SPTBN1: variants seen among roughly 807,000 people sequenced by gnomAD.
The protein encoded by SPTBN1 is spectrin beta, non-erythrocytic 1.
SPTBN1 carries 32 observed loss-of-function variants against 266.4 expected under a neutral mutation model. That is an observed-to-expected ratio of 0.12 (90% CI 0.09 to 0.16). The LOEUF (loss-of-function observed/expected upper bound fraction) is 0.16, where lower values mean the gene tolerates loss of function less well. Among genes scored for constraint, SPTBN1 ranks in the 10% least tolerant of loss-of-function variants. The pLI is 1.00. For missense variants in SPTBN1, 2,296 were observed against 3,067.1 expected (o/e 0.75, Z 5.94); for synonymous variants, 1,336 against 1,162.2 (o/e 1.15, Z -3.04).
intron 2 of SPTBN1, among the ~76,000 whole-genome samples, chr2:54,568,501 A>G (rs746661725): frequency 2.6e-5 from 4 of 152,154 alleles, no homozygotes; most frequent in Non-Finnish European, 4.4e-5. Context: ...TTAACTAAAT[A>G]TAAAAATAAT....
intron 2 of SPTBN1, among the ~76,000 whole-genome samples, chr2:54,551,700 A>G (rs1435852180): frequency 1.3e-5 from 2 of 152,090 alleles, no homozygotes; most frequent in Non-Finnish European, 2.9e-5. Context: ...TCGGCTGTAT[A>G]CTTAGATGGT....
rs758913754 is a variant in SPTBN1, at chr2:54,544,447, T to C, written c.148+17881T>C. Among the ~76,000 whole-genome samples, 11 of 152,210 alleles carry C rather than the reference T, an allele frequency of 7.2e-5. No individual in the cohort carries two copies. In the East Asian group the frequency reaches 7.7e-4, roughly 11 times the overall value. On this transcript the variant is annotated intron_variant, in intron 2 of 35. Transcript: ENST00000356805. ...CTCATTTGTGATGTCAGAGTGGTTATTGAACTTACTAAACCTTTCCCAGAA... is the reference window on the plus strand; with the variant it reads ...CTCATTTGTGATGTCAGAGTGGTTACTGAACTTACTAAACCTTTCCCAGAA...
intron 2 of SPTBN1, among the ~76,000 whole-genome samples, chr2:54,584,460 C>T (rs1675150865): frequency 6.6e-6 from 1 of 152,164 alleles, no homozygotes; most frequent in African/African-American, 2.4e-5. Flanking sequence ...ATTTTGATAT[C>T]ACTACTTACC....
At chr2:54,507,493 G>A (rs565448234) in intron 1 of SPTBN1, among the ~76,000 whole-genome samples, 4 of 152,128 alleles carry the variant, frequency 2.6e-5, no homozygotes, top group East Asian at 3.9e-4. Flanking sequence ...GATAATTGTC[G>A]GGTTGTTAGA....
intron 17 of SPTBN1, among the ~76,000 whole-genome samples, chr2:54,635,355 G>C (rs545603723): frequency 6.6e-6 from 1 of 152,332 alleles, no homozygotes; most frequent in African/African-American, 2.4e-5. Context: ...GTCAGCGGCA[G>C]TCCCAGATGC....
chr2:54,543,592 G>C (rs985918626), intron 2 of SPTBN1, among the ~76,000 whole-genome samples: 1 of 148,022 alleles, frequency 6.8e-6, no homozygotes, highest in Non-Finnish European at 1.5e-5. Flanking sequence ...AAAAATACTT[G>C]TTTTTTTTTT....
intron 30 of SPTBN1, 46 bp downstream of exon 30, chr2:54,658,092 T>G: frequency 6.2e-7 from 1 of 1,605,418 alleles, no homozygotes; most frequent in Non-Finnish European, 8.5e-7. Flanking sequence ...CTGGGCAGCC[T>G]TTTCTTCCTG....
At position 54,642,840 on chromosome 2, in the gene SPTBN1, G is replaced by A. The variant is rs1048984414; in HGVS notation, c.3859-143G>A. The A allele has an allele frequency of 1.5e-5, 15 of 1,018,312 alleles. 1 individual carries two copies. In the Admixed American group the frequency reaches 3.1e-4, roughly 21 times the overall value. 63.1% of individuals were successfully genotyped at this position (1,018,312 alleles called of 1,614,324 possible). A position where few individuals can be genotyped will look rare whatever the true frequency, so the allele number is the denominator to read the frequency against. ...TGGACACCTGTCATGACGGGTCAGA[G>A]TTGTGAAGTTAAATATTTGGTTGTC... On this transcript the variant is annotated intron_variant, in intron 18 of 35. Transcript: ENST00000356805.
chr2:54,521,548 CTG>C (rs1289233791), intron 1 of SPTBN1, among the ~76,000 whole-genome samples: 1 of 152,138 alleles, frequency 6.6e-6, no homozygotes, highest in Non-Finnish European at 1.5e-5. Flanking sequence ...GAGGCTCACT[CTG>C]TTGTTTGGGC....
intron 26 of SPTBN1, among the ~76,000 whole-genome samples, chr2:54,650,456 A>G (rs768845580): frequency 3.3e-5 from 5 of 152,034 alleles, no homozygotes; most frequent in Non-Finnish European, 7.3e-5. Context: ...ATGTTTGACA[A>G]AGTAGTAACA....
chr2:54,531,361 C>G (rs932163039), intron 2 of SPTBN1, among the ~76,000 whole-genome samples: 9 of 152,150 alleles, frequency 5.9e-5, no homozygotes, highest in African/African-American at 2.2e-4. Flanking sequence ...ACTGGGGAAT[C>G]AGACTACTAA....
chr2:54,479,822 C>T (rs1220301108), intron 1 of SPTBN1, among the ~76,000 whole-genome samples: 5 of 151,514 alleles, frequency 3.3e-5, no homozygotes, highest in African/African-American at 1.2e-4. Flanking sequence ...ATTCAGTTCG[C>T]TTTCTATTAT....
At position 54,671,136 on chromosome 2, in the gene SPTBN1, G is replaced by C. The variant is rs117262811; in HGVS notation, c.*2567G>C. On this transcript the variant is annotated 3_prime_UTR_variant, in exon 36 of 36. Transcript: ENST00000356805. ...AATAAGGCTTAGGATATGAAATGGC[G>C]TTGTCACTTGAATCAAGGCCACTTT... The C allele has an allele frequency of 2.0e-3, 434 of 218,650 alleles. 6 individuals are homozygous for C. The East Asian group carries it at 0.035, about 18-fold the overall frequency. 13.5% of individuals were successfully genotyped at this position (218,650 alleles called of 1,614,324 possible).
At position 54,645,588 on chromosome 2, in the gene SPTBN1, A is replaced by G; in HGVS notation, c.4494+135A>G. 1 of 887,796 alleles carries G rather than the reference A, an allele frequency of 1.1e-6. No homozygotes were observed. The highest frequency in any genetic ancestry group is 1.7e-5 in the African/African-American group (1 of 59,592). The allele number at this position is 887,796 out of a possible 1,614,324, so 55.0% of individuals were successfully genotyped here. ...TGAGCTGCCAAAGTCCACGCTCTGGATGGTCTAAAGTTTCTTTCCCTTTTC... is the reference window on the plus strand; with the variant it reads ...TGAGCTGCCAAAGTCCACGCTCTGGGTGGTCTAAAGTTTCTTTCCCTTTTC... On this transcript the variant is annotated intron_variant, in intron 21 of 35. Transcript: ENST00000356805. The surrounding 1 kb of genome is among the most constrained non-coding windows in gnomAD (Gnocchi z 4.3).
chr2:54,462,664 A>G (rs1346875991), intron 1 of SPTBN1, among the ~76,000 whole-genome samples: 3 of 152,170 alleles, frequency 2.0e-5, no homozygotes, highest in African/African-American at 4.8e-5. Context: ...ATACTCTAGT[A>G]TATGGAATAT....
intron 35 of SPTBN1, 28 bp downstream of exon 35, chr2:54,667,674 A>G: frequency 1.2e-6 from 2 of 1,606,024 alleles, no homozygotes; most frequent in South Asian, 1.1e-5. Flanking sequence ...ATTTCTCTCC[A>G]CTACTTAGGA....
At chr2:54,614,669 G>A (rs1019414829) in intron 4 of SPTBN1, among the ~76,000 whole-genome samples, 5 of 152,008 alleles carry the variant, frequency 3.3e-5, no homozygotes, top group African/African-American at 7.3e-5. Context: ...CAGGTGTGGT[G>A]GCAGACACCT....
chr2:54,576,436 G>A (rs1271099527), intron 2 of SPTBN1, among the ~76,000 whole-genome samples: 2 of 152,010 alleles, frequency 1.3e-5, no homozygotes, highest in African/African-American at 2.4e-5. Flanking sequence ...GTAGGTCCAG[G>A]AAAACAGCTG....
chr2:54,587,790 G>A (rs1023833637), intron 2 of SPTBN1, among the ~76,000 whole-genome samples: 1 of 152,030 alleles, frequency 6.6e-6, no homozygotes, highest in Non-Finnish European at 1.5e-5. Context: ...AAATGGGGTG[G>A]CACACTCCAT....
Sources: allele counts gnomAD v4.1 joint callset (sites outside exome capture counted in the v4.1 genomes callset), GRCh38; gene constraint gnomAD v4.1.1; non-coding constraint Gnocchi (gnomAD v3.1); transcripts MANE v1.5; gene names NCBI Gene and HGNC (gene_info 2026-07-23, HGNC 2026-07-21).